CNN1: variants seen among roughly 807,000 people sequenced by gnomAD.
The protein encoded by CNN1 is calponin 1.
A neutral mutation model predicts 35.3 loss-of-function variants in CNN1; 21 were observed. The ratio of observed to expected loss-of-function variants is 0.60; its 90% confidence interval spans 0.42 to 0.86. The LOEUF (loss-of-function observed/expected upper bound fraction) is 0.86. CNN1 is among the 40% of genes least tolerant of loss of function. CNN1 has a pLI of 0.00. For missense variants in CNN1, 314 were observed against 400.8 expected, an observed-to-expected ratio of 0.78 and a Z score of 1.85; for synonymous variants, 164 against 161.8, an observed-to-expected ratio of 1.01 and a Z score of -0.10.
intron 1 of CNN1, chr19:11,539,916 C>A: frequency 9.0e-7 from 1 of 1,116,792 alleles, no homozygotes; most frequent in Non-Finnish European, 1.1e-6. Context: ...GCAGAGACGC[C>A]GCGCCTTATA....
At chr19:11,548,803 C>T (rs1360398537) in intron 5 of CNN1, among the ~76,000 whole-genome samples, 2 of 151,892 alleles carry the variant, frequency 1.3e-5, no homozygotes, top group African/African-American at 2.4e-5. Context: ...TGCCGCTGCA[C>T]TCCAACCTGG....
At position 11,538,932 on chromosome 19, in the gene CNN1, C is replaced by T. The variant is rs778510922; in HGVS notation, c.5C>T (p.Ser2Phe). Residue 2 changes from serine (S) to phenylalanine (F), a missense_variant, in exon 1 of 7, where the codon TCC becomes TTC. Ser to Phe is a radical substitution (Grantham distance 155). Transcript: ENST00000252456. ...CGCCAGAGCCCACCGGCCAGCATGTCCTCTGCTCACTTCAACCGAGGCCCT... is the reference window on the plus strand; with the variant it reads ...CGCCAGAGCCCACCGGCCAGCATGTTCTCTGCTCACTTCAACCGAGGCCCT... MSSAHFNRGPAY... is the reference protein window; with the variant it reads MFSAHFNRGPAY... The T allele has an allele frequency of 3.1e-6, 5 of 1,591,388 alleles. No homozygotes were observed. Among genetic ancestry groups the T allele is most frequent in the Middle Eastern group, 1.7e-4 (1 of 5,926 alleles).
chr19:11,543,979 T>G (rs187087384), intron 2 of CNN1, among the ~76,000 whole-genome samples: 2 of 151,990 alleles, frequency 1.3e-5, no homozygotes, highest in East Asian at 3.9e-4. Context: ...CATTCATTCA[T>G]TCATTCACAA....
chr19:11,546,879 G>A lies in CNN1; in HGVS notation c.300G>A (p.Val100=). 1 of 1,614,228 alleles carries A rather than the reference G, an allele frequency of 6.2e-7. No homozygotes were observed. Among genetic ancestry groups the A allele is most frequent in the Non-Finnish European group, 8.5e-7 (1 of 1,180,040 alleles). ...TCAAGGCCATCACCAAGTATGGGGTGAAGCCCCACGACATTTTTGAGGCCA... is the reference window on the plus strand; with the variant it reads ...TCAAGGCCATCACCAAGTATGGGGTAAAGCCCCACGACATTTTTGAGGCCA... ...NFIKAITKYG[V]KPHDIFEAND... is the part of the protein sequence containing the mutation. Residue 100 remains valine (V), a synonymous_variant, in exon 4 of 7, where the codon GTG becomes GTA. Coordinates refer to ENST00000252456, the MANE Select transcript of CNN1 (RefSeq NM_001299.6).
intron 2 of CNN1, among the ~76,000 whole-genome samples, chr19:11,543,708 G>A (rs1457806978): frequency 6.6e-6 from 1 of 150,524 alleles, no homozygotes; most frequent in Non-Finnish European, 1.5e-5. Flanking sequence ...GCGTGAACCC[G>A]GGAGGCGGAG....
intron 2 of CNN1, among the ~76,000 whole-genome samples, chr19:11,544,981 T>C (rs147619436): frequency 1.2e-4 from 18 of 152,144 alleles, no homozygotes; most frequent in African/African-American, 3.9e-4. Flanking sequence ...GGCATATCAC[T>C]TGAGGTCAGG....
Position 11,549,328 on chromosome 19 carries a change from C to T in CNN1, c.507C>T (p.Gly169=). 6.2e-7 allele frequency: 1 copy of T among 1,614,172 alleles called. No homozygotes were observed. The highest frequency in any genetic ancestry group is 8.5e-7 in the Non-Finnish European group (1 of 1,180,016). Residue 169 remains glycine (G), a synonymous_variant, in exon 6 of 7, where the codon GGC becomes GGT. Coordinates refer to ENST00000252456, the MANE Select transcript of CNN1 (RefSeq NM_001299.6). The surrounding 1 kb of genome is among the most constrained non-coding windows in gnomAD (Gnocchi z 5.2). ...TTCTCCTTCTGGCTTCCTAGATGGGCACCAACAAGTTTGCCAGCCAGCAGG... is the reference window on the plus strand; with the variant it reads ...TTCTCCTTCTGGCTTCCTAGATGGGTACCAACAAGTTTGCCAGCCAGCAGG... ...EGRNIIGLQM[G]TNKFASQQGM... is the part of the protein sequence containing the mutation.
rs573235382 is a variant in CNN1, at chr19:11,546,236, T to G, written c.186-439T>G. Among the ~76,000 whole-genome samples the G allele has an allele frequency of 2.6e-5, 4 of 152,156 alleles. No homozygotes were observed. The South Asian group carries it at 8.3e-4, about 31-fold the overall frequency. On this transcript the variant is annotated intron_variant, in intron 2 of 6. Coordinates refer to ENST00000252456, the MANE Select transcript of CNN1 (RefSeq NM_001299.6). ...GGAGGGGCTGCAGCTGAGAGCTGAC[T>G]GCAGGGAGAAGTGACGCTAGGGTAT...
In CNN1 at chr19:11,541,112, C is replaced by G. The variant is rs1246015200; in HGVS notation, c.100C>G (p.Leu34Val). 6.2e-7 allele frequency: 1 copy of G among 1,611,444 alleles called. No homozygotes were observed. The highest frequency in any genetic ancestry group is 1.3e-5 in the African/African-American group (1 of 74,774). ...QKYDHQREQE[L>V]REWIEGVTGR... is the part of the protein sequence containing the mutation. ...GTATGACCACCAGCGGGAGCAGGAG[C>G]TGAGAGAGTGGATCGAGGGGGTGAC... The change falls in exon 2 of 7, where the codon CTG becomes GTG. Residue 34 changes from leucine to valine, a missense_variant. By Grantham distance (32) the Leu-to-Val change is conservative. Transcript: ENST00000252456.
chr19:11,539,753 T>C (rs1972416091), intron 1 of CNN1: 2 of 995,370 alleles, frequency 2.0e-6, no homozygotes, highest in African/African-American at 4.1e-5. Flanking sequence ...CAGGGTCCCA[T>C]GGTGAGGAAG....
rs79540715 is a variant in CNN1, at chr19:11,540,760, G to A, written c.64-316G>A. The A allele has an allele frequency of 2.7e-3, 652 of 241,550 alleles. 18 individuals carry two copies. In the East Asian group the frequency reaches 0.049, roughly 18 times the overall value. The allele number at this position is 241,550 out of a possible 1,614,324, so 15.0% of individuals were successfully genotyped here. A position where few individuals can be genotyped will look rare whatever the true frequency, so the allele number is the denominator to read the frequency against. On this transcript the variant is annotated intron_variant, in intron 1 of 6. Coordinates refer to ENST00000252456, the MANE Select transcript of CNN1 (RefSeq NM_001299.6). ...GAGAAGCCCCAAGTTTGGCCTGGGCGAAAAACCAGGGTGCCGGGTGCCACC... is the reference window on the plus strand; with the variant it reads ...GAGAAGCCCCAAGTTTGGCCTGGGCAAAAAACCAGGGTGCCGGGTGCCACC...
chr19:11,538,867 C>G lies in CNN1; in HGVS notation c.-61C>G. ...GAAGAGTGTGCAGACGGAACTTCAG[C>G]CGCTGCCTCTGTTCTCAGCGTCAGT... On this transcript the variant is annotated 5_prime_UTR_variant, in exon 1 of 7. Coordinates refer to ENST00000252456, the MANE Select transcript of CNN1 (RefSeq NM_001299.6). 1 of 1,392,606 alleles carries G rather than the reference C, an allele frequency of 7.2e-7. No individual in the cohort carries two copies. Among genetic ancestry groups the G allele is most frequent in the Non-Finnish European group, 9.6e-7 (1 of 1,043,364 alleles). 86.3% of individuals were successfully genotyped at this position (1,392,606 alleles called of 1,614,324 possible). A position where few individuals can be genotyped will look rare whatever the true frequency, so the allele number is the denominator to read the frequency against.
At chr19:11,539,914 G>A in intron 1 of CNN1, 2 of 1,120,674 alleles carry the variant, frequency 1.8e-6, no homozygotes, top group South Asian at 1.8e-5. Context: ...GCGCAGAGAC[G>A]CCGCGCCTTA....
chr19:11,541,268 C>T, intron 2 of CNN1, 71 bp downstream of exon 2: 1 of 1,470,964 alleles, frequency 6.8e-7, no homozygotes, highest in Non-Finnish European at 9.0e-7. Flanking sequence ...ACCCCCAAAA[C>T]AACCATGATC....
In CNN1 at chr19:11,549,819, C is replaced by T. The variant is rs1972681263; in HGVS notation, c.*24C>T. The T allele has an allele frequency of 1.3e-6, 2 of 1,582,062 alleles. No homozygotes were observed. Among genetic ancestry groups the T allele is most frequent in the Non-Finnish European group, 8.6e-7 (1 of 1,159,406 alleles). On this transcript the variant is annotated 3_prime_UTR_variant, in exon 7 of 7. Coordinates refer to ENST00000252456, the MANE Select transcript of CNN1 (RefSeq NM_001299.6). This position sits in a 1 kb window ranked among gnomAD's most constrained non-coding sequence, Gnocchi z 5.2. ...AGGGCCACAAGGCCTTCCCTGTTTT[C>T]CCCCCAAGGGAGGCTGCTGCTGCTC...
intron 1 of CNN1, chr19:11,539,878 C>T: frequency 8.6e-7 from 1 of 1,163,570 alleles, no homozygotes; most frequent in South Asian, 1.6e-5. Context: ...TCCCCCCCAG[C>T]GCCGGCCCCA....
chr19:11,539,215 G>A lies in CNN1; in HGVS notation c.63+225G>A. ...GGGGGCACACAGCCACACATAAACA[G>A]AGGGGGTCAGTCCATTGCAAAGATA... On this transcript the variant is annotated intron_variant, in intron 1 of 6. Coordinates refer to ENST00000252456, the MANE Select transcript of CNN1 (RefSeq NM_001299.6). The A allele has an allele frequency of 4.7e-6, 6 of 1,270,924 alleles. No homozygotes were observed. In the East Asian group the frequency reaches 1.9e-4, roughly 40 times the overall value. The allele number at this position is 1,270,924 out of a possible 1,614,324, so 78.7% of individuals were successfully genotyped here.
rs756282595 is a variant in CNN1 at position 11,549,343 on chromosome 19, C to T, written c.522C>T (p.Ala174=). Residue 174 remains alanine, a synonymous_variant, in exon 6 of 7, where the codon GCC becomes GCT. Coordinates refer to ENST00000252456, the MANE Select transcript of CNN1 (RefSeq NM_001299.6). This position sits in a 1 kb window ranked among gnomAD's most constrained non-coding sequence, Gnocchi z 5.2. ...IGLQMGTNKF[A]SQQGMTAYGT... ...CCTAGATGGGCACCAACAAGTTTGCCAGCCAGCAGGGCATGACGGCCTATG... is the reference window on the plus strand; with the variant it reads ...CCTAGATGGGCACCAACAAGTTTGCTAGCCAGCAGGGCATGACGGCCTATG... 1.1e-5 allele frequency: 18 copies of T among 1,614,088 alleles called. No individual in the cohort carries two copies. In the African/African-American group the frequency reaches 1.2e-4, roughly 11 times the overall value.
At chr19:11,540,112 TGGGCGGAGGG>T in intron 1 of CNN1, 2 of 968,202 alleles carry the variant, frequency 2.1e-6, no homozygotes, top group Non-Finnish European at 2.5e-6. Context: ...TGGCTGGGCT[TGGGCGGAGGG>T]TTCTGGAGAA....
Sources: allele counts gnomAD v4.1 joint callset (sites outside exome capture counted in the v4.1 genomes callset), GRCh38; gene constraint gnomAD v4.1.1; non-coding constraint Gnocchi (gnomAD v3.1); transcripts MANE v1.5; gene names NCBI Gene and HGNC (gene_info 2026-07-23, HGNC 2026-07-21).